Variants in DHRS7B observed in about 807,000 individuals in gnomAD.
DHRS7B encodes the protein dehydrogenase/reductase 7B.
DHRS7B carries 24 observed loss-of-function variants against 26.4 expected under a neutral mutation model. That is an observed-to-expected ratio of 0.91 (90% CI 0.66 to 1.28). DHRS7B has a LOEUF of 1.28. Ranked by LOEUF, DHRS7B falls within the 50% of genes most tolerant of loss-of-function variation. The pLI is 0.00. For synonymous variants in DHRS7B, 142 were observed against 166.4 expected (o/e 0.85, Z 1.13); for missense variants, 368 against 419.4 (o/e 0.88, Z 1.07).
intron 5 of DHRS7B, among the ~76,000 whole-genome samples, chr17:21,186,013 C>G (rs1337966259): frequency 6.6e-6 from 1 of 152,186 alleles, no homozygotes; most frequent in African/African-American, 2.4e-5. Context: ...AAATTATTTT[C>G]AAGTTTTACT....
At chr17:21,166,624 T>TTTCAGTGTCTTTCCTTCCAGTTGG (rs1974120576) in intron 1 of DHRS7B, among the ~76,000 whole-genome samples, 1 of 151,978 alleles carries the variant, frequency 6.6e-6, no homozygotes, top group Non-Finnish European at 1.5e-5. Flanking sequence ...ATATGGGTCA[T>TTTCAGTGTCTTTCCTTCCAGTTGG]AAGCATGACC....
chr17:21,164,190 G>C (rs1392531790), intron 1 of DHRS7B, among the ~76,000 whole-genome samples: 1 of 151,124 alleles, frequency 6.6e-6, no homozygotes, highest in African/African-American at 2.4e-5. Flanking sequence ...CACCACACCT[G>C]GCTACTTTTT....
At chr17:21,187,345 G>A (rs930381738) in intron 5 of DHRS7B, among the ~76,000 whole-genome samples, 1 of 151,488 alleles carries the variant, frequency 6.6e-6, no homozygotes, top group Non-Finnish European at 1.5e-5. Context: ...AAAACAGAAG[G>A]CCGGGTGCGG....
At chr17:21,182,576 C>T (rs1227552532) in intron 3 of DHRS7B, among the ~76,000 whole-genome samples, 1 of 151,644 alleles carries the variant, frequency 6.6e-6, no homozygotes, top group Non-Finnish European at 1.5e-5. Flanking sequence ...TTTAAAGAGA[C>T]AGGGTCTCGC....
At chr17:21,160,451 G>C (rs1597743654) in intron 1 of DHRS7B, among the ~76,000 whole-genome samples, 1 of 152,228 alleles carries the variant, frequency 6.6e-6, no homozygotes, top group Non-Finnish European at 1.5e-5. Context: ...AAATATACAA[G>C]TGGCAAATAA....
At chr17:21,187,960 T>C (rs1974684362) in intron 5 of DHRS7B, among the ~76,000 whole-genome samples, 1 of 152,122 alleles carries the variant, frequency 6.6e-6, no homozygotes, top group African/African-American at 2.4e-5. Context: ...ACCATTCTCC[T>C]GCCTCAGCCT....
chr17:21,150,914 A>G (rs949872953), intron 1 of DHRS7B, among the ~76,000 whole-genome samples: 3 of 152,190 alleles, frequency 2.0e-5, no homozygotes, highest in African/African-American at 7.2e-5. Context: ...GATTCTAGAT[A>G]TTAGGATTAG....
chr17:21,154,484 A>T (rs1390718956), intron 1 of DHRS7B, among the ~76,000 whole-genome samples: 7 of 152,338 alleles, frequency 4.6e-5, no homozygotes, highest in Non-Finnish European at 8.8e-5. Flanking sequence ...CAGACCAAAA[A>T]TAAATAAATG....
chr17:21,159,100 G>T (rs757597455), intron 1 of DHRS7B, among the ~76,000 whole-genome samples: 2 of 152,144 alleles, frequency 1.3e-5, no homozygotes, highest in African/African-American at 4.8e-5. Context: ...CCTCGGGTAT[G>T]GTGGTGACTT....
chr17:21,171,742 T>C (rs2144126252), intron 1 of DHRS7B: 2 of 543,200 alleles, frequency 3.7e-6, no homozygotes, highest in South Asian at 3.9e-5. Flanking sequence ...TGGGTGACTA[T>C]GTCCTAGGCT....
chr17:21,140,535 CACA>C (rs1368231194), intron 1 of DHRS7B, among the ~76,000 whole-genome samples: 87 of 149,766 alleles, frequency 5.8e-4, no homozygotes, highest in Non-Finnish European at 6.8e-4. Flanking sequence ...CACACACACA[CACA>C]CCCTGACACC....
At chr17:21,164,169 C>T (rs989771343) in intron 1 of DHRS7B, among the ~76,000 whole-genome samples, 10 of 151,136 alleles carry the variant, frequency 6.6e-5, no homozygotes, top group Non-Finnish European at 1.5e-4. Flanking sequence ...GCTGGGACCA[C>T]AGGTGCATGC....
At chr17:21,147,660 A>G (rs1018331198) in intron 1 of DHRS7B, among the ~76,000 whole-genome samples, 1 of 152,168 alleles carries the variant, frequency 6.6e-6, no homozygotes, top group African/African-American at 2.4e-5. Context: ...GAGATGAACA[A>G]CCAACATCCC....
intron 2 of DHRS7B, 66 bp downstream of exon 2, chr17:21,172,262 G>A: frequency 6.5e-7 from 1 of 1,540,170 alleles, no homozygotes; most frequent in Non-Finnish European, 8.8e-7. Flanking sequence ...GAGCGGCCCA[G>A]CTGCACAGGG....
chr17:21,127,060 C>T (rs1045718225), intron 1 of DHRS7B, 69 bp downstream of exon 1: 4 of 1,434,074 alleles, frequency 2.8e-6, no homozygotes, highest in African/African-American at 3.0e-5. Context: ...GAGGCGACGC[C>T]CCGGCTTGGG....
chr17:21,182,247 T>C (rs901220339), intron 3 of DHRS7B, among the ~76,000 whole-genome samples: 1 of 152,222 alleles, frequency 6.6e-6, no homozygotes, highest in African/African-American at 2.4e-5. Flanking sequence ...CAATTTTCTT[T>C]TTTTTCTTTC....
chr17:21,140,512 A>ACG (rs1973476882), intron 1 of DHRS7B, among the ~76,000 whole-genome samples: 1 of 149,492 alleles, frequency 6.7e-6, no homozygotes, highest in Non-Finnish European at 1.5e-5. Context: ...ACACACACAC[A>ACG]CACACACACA....
chr17:21,142,884 G>C (rs981119094), intron 1 of DHRS7B, among the ~76,000 whole-genome samples: 1 of 152,206 alleles, frequency 6.6e-6, no homozygotes, highest in African/African-American at 2.4e-5. Flanking sequence ...AGGAGCCCAA[G>C]ATATTTTCCT....
chr17:21,161,870 A>G (rs559987497), intron 1 of DHRS7B, among the ~76,000 whole-genome samples: 31 of 152,232 alleles, frequency 2.0e-4, no homozygotes, highest in African/African-American at 7.2e-4. Context: ...AGTTCTTCCC[A>G]CATGTGCCCT....
Sources: gnomAD v4.1 joint callset for allele counts (sites outside exome capture counted in the v4.1 genomes callset) on GRCh38, gnomAD v4.1.1 for gene constraint, MANE v1.5 for transcripts, NCBI Gene and HGNC (gene_info 2026-07-23, HGNC 2026-07-21) for gene names.